The following ICA1 variants were observed in gnomAD, a reference collection of about 807,000 sequenced individuals.
The protein encoded by ICA1 is 69 kDa islet cell autoantigen.
ICA1 carries 40 observed loss-of-function variants against 71.0 expected under a neutral mutation model. The ratio of observed to expected loss-of-function variants is 0.56; its 90% CI spans 0.44 to 0.73. ICA1 has a LOEUF of 0.73. ICA1 is among the 30% of genes least tolerant of loss of function. The pLI is 0.00. For missense variants in ICA1, 578 were observed against 576.5 expected, an observed-to-expected ratio of 1.00 and a Z score of -0.03; for synonymous variants, 207 against 209.5, an observed-to-expected ratio of 0.99 and a Z score of 0.10.
At chr7:8,233,188 A>G (rs114973717) in intron 2 of ICA1, among the ~76,000 whole-genome samples, 5,015 of 152,280 alleles carry the variant, frequency 0.033, 285 homozygotes, top group African/African-American at 0.12. Flanking sequence ...AGCAGAGATA[A>G]GAGGCTGAAG....
rs1289335100 is a variant in ICA1 at position 8,226,142 on chromosome 7, T to C, written c.256+2459A>G. 6.6e-6 allele frequency among the ~76,000 whole-genome samples: 1 copy of C among 152,134 alleles called. No homozygotes were observed. Among genetic ancestry groups the C allele is most frequent in the African/African-American group, 2.4e-5 (1 of 41,436 alleles). On this transcript the variant is annotated intron_variant, in intron 4 of 13. Coordinates refer to ENST00000402384, the MANE Select transcript of ICA1 (RefSeq NM_001136020.3). This position sits in a 1 kb window ranked among gnomAD's most constrained non-coding sequence, Gnocchi z 4.4. ...TGGCTGGGTTTAAGTATTTTTTGAG[T>C]CTATGAAATGTTACTATGGTTTTAT...
At position 8,221,917 on chromosome 7, in the gene ICA1, G is replaced by C. The variant is rs1374340353; in HGVS notation, c.257-519C>G. Among the ~76,000 whole-genome samples the C allele has an allele frequency of 5.3e-5, 8 of 152,100 alleles. No individual in the cohort carries two copies. The East Asian group carries it at 1.3e-3, about 26-fold the overall frequency. The stretch of plus-strand genomic sequence containing the variant: ...GGGGGTAGGGACGGAGGGTGGGGAG[G>C]TCATCAGGTTGATGACAGTGGGTTT... On this transcript the variant is annotated intron_variant, in intron 4 of 13. Coordinates refer to ENST00000402384, the MANE Select transcript of ICA1 (RefSeq NM_001136020.3).
chr7:8,236,146 T>G, intron 1 of ICA1, 141 bp from the exon 2 acceptor site: 1 of 478,262 alleles, frequency 2.1e-6, no homozygotes. Context: ...TGCTGCACAC[T>G]GGTGATGACA....
Position 8,228,629 on chromosome 7 carries a change from T to A in ICA1, c.228A>T (p.Ala76=), listed in dbSNP as rs372572894. 5 of 1,601,078 alleles carry A rather than the reference T, an allele frequency of 3.1e-6. No homozygotes were observed. The African/African-American group carries it at 6.7e-5, about 21-fold the overall frequency. ...IQRTCLDLSK[A]IVLYQKRICF... is the part of the protein sequence containing the mutation. ...ATATCCTCTTTTGATAGAGTACAAT[T>A]GCTTTCGATAAGTCCAGACAGGTTC... Residue 76 remains alanine (A), a synonymous_variant, in exon 4 of 14, where the codon GCA becomes GCT. Transcript: ENST00000402384.
At chr7:8,137,683 T>C (rs1183473713) in intron 12 of ICA1, among the ~76,000 whole-genome samples, 1 of 152,214 alleles carries the variant, frequency 6.6e-6, no homozygotes, top group Non-Finnish European at 1.5e-5. Flanking sequence ...AAAATATTCA[T>C]GGGCATTCAC....
In ICA1 at chr7:8,143,979, C is replaced by T. The variant is rs761128409; in HGVS notation, c.805-7G>A. 4.2e-6 allele frequency: 6 copies of T among 1,416,848 alleles called. No homozygotes were observed. In the Admixed American group the frequency reaches 9.2e-5, roughly 22 times the overall value. 87.8% of individuals were successfully genotyped at this position (1,416,848 alleles called of 1,614,324 possible). A position where few individuals can be genotyped will look rare whatever the true frequency, so the allele number is the denominator to read the frequency against. The stretch of plus-strand genomic sequence containing the variant: ...TCATAGGGTCTTGTAAGCTCTTGAT[C>T]ACGAGCCATAGAAAAATGAAAAAGA... On this transcript the variant is annotated splice_polypyrimidine_tract_variant and splice_region_variant and intron_variant, in intron 8 of 13. Coordinates refer to ENST00000402384, the MANE Select transcript of ICA1 (RefSeq NM_001136020.3).
chr7:8,154,151 C>T (rs1800667181), intron 8 of ICA1, among the ~76,000 whole-genome samples: 1 of 151,988 alleles, frequency 6.6e-6, no homozygotes, highest in African/African-American at 2.4e-5. Context: ...TATTTGTTGT[C>T]ACATAAAACA....
At chr7:8,147,037 C>A (rs1797253170) in intron 8 of ICA1, among the ~76,000 whole-genome samples, 2 of 151,848 alleles carry the variant, frequency 1.3e-5, no homozygotes. Flanking sequence ...CTGGTCCAGG[C>A]CTCCTGGTTT....
intron 6 of ICA1, among the ~76,000 whole-genome samples, chr7:8,178,379 T>G (rs763574623): frequency 2.6e-5 from 4 of 152,212 alleles, no homozygotes; most frequent in Non-Finnish European, 5.9e-5. Flanking sequence ...TAATTGACTG[T>G]TTTCTACATT....
intron 6 of ICA1, among the ~76,000 whole-genome samples, chr7:8,190,271 C>T (rs747806792): frequency 4.0e-5 from 6 of 151,810 alleles, no homozygotes; most frequent in Non-Finnish European, 7.4e-5. Flanking sequence ...CCTTACTCTC[C>T]GAGTGGGCTG....
chr7:8,165,444 T>C (rs1215412899), intron 6 of ICA1, among the ~76,000 whole-genome samples: 2 of 152,334 alleles, frequency 1.3e-5, no homozygotes, highest in African/African-American at 2.4e-5. Context: ...CTTCTCAGCA[T>C]TCCCCTTGAA....
intron 12 of ICA1, 142 bp from the exon 13 acceptor site, chr7:8,128,284 AT>A: frequency 1.2e-6 from 1 of 827,252 alleles, no homozygotes; most frequent in Non-Finnish European, 1.9e-6. Flanking sequence ...TCATCCTATT[AT>A]TATAGCCTCT....
intron 1 of ICA1, among the ~76,000 whole-genome samples, chr7:8,255,808 T>G (rs1809946426): frequency 7.3e-6 from 1 of 136,988 alleles, no homozygotes; most frequent in African/African-American, 3.1e-5. Context: ...AGGGTCTTGC[T>G]CTGTTGCCCA....
chr7:8,189,651 C>T (rs922521207), intron 6 of ICA1, among the ~76,000 whole-genome samples: 3 of 152,120 alleles, frequency 2.0e-5, no homozygotes, highest in Non-Finnish European at 4.4e-5. Context: ...ATAAAACCAG[C>T]GGTAGCTCTG....
intron 6 of ICA1, among the ~76,000 whole-genome samples, chr7:8,183,810 G>C (rs905730051): frequency 1.3e-5 from 2 of 152,178 alleles, no homozygotes; most frequent in Non-Finnish European, 2.9e-5. Context: ...GGGCAGTTGA[G>C]AGGGTAAATG....
intron 6 of ICA1, among the ~76,000 whole-genome samples, chr7:8,207,894 G>T (rs1404695552): frequency 6.6e-6 from 1 of 152,150 alleles, no homozygotes; most frequent in African/African-American, 2.4e-5. Context: ...GATAGACTTA[G>T]GACCTGGGAC....
intron 8 of ICA1, among the ~76,000 whole-genome samples, chr7:8,152,777 T>TACC (rs1562703085): frequency 1.3e-5 from 1 of 75,916 alleles, no homozygotes; most frequent in Admixed American, 1.5e-4. Flanking sequence ...CCCCCACCAC[T>TACC]ATCACCATCA....
intron 6 of ICA1, among the ~76,000 whole-genome samples, chr7:8,211,899 C>T (rs1375175314): frequency 6.6e-6 from 1 of 152,094 alleles, no homozygotes; most frequent in African/African-American, 2.4e-5. Flanking sequence ...ACTTATAGTC[C>T]TAAGTGAATG....
In ICA1 at chr7:8,226,065, C is replaced by T. The variant is rs998230033; in HGVS notation, c.256+2536G>A. 1.3e-5 allele frequency among the ~76,000 whole-genome samples: 2 copies of T among 152,014 alleles called. No homozygotes were observed. The highest frequency in any genetic ancestry group is 4.8e-5 in the African/African-American group (2 of 41,380). ...GTGACAATGTTATTCATTTATAATGCAATCAGGTTCATTTGCTACTGTTTG... is the reference window on the plus strand; with the variant it reads ...GTGACAATGTTATTCATTTATAATGTAATCAGGTTCATTTGCTACTGTTTG... On this transcript the variant is annotated intron_variant, in intron 4 of 13. Coordinates refer to ENST00000402384, the MANE Select transcript of ICA1 (RefSeq NM_001136020.3). This position sits in a 1 kb window ranked among gnomAD's most constrained non-coding sequence, Gnocchi z 4.4.
Sources: gnomAD v4.1 joint callset for allele counts (sites outside exome capture counted in the v4.1 genomes callset) on GRCh38, gnomAD v4.1.1 for gene constraint, Gnocchi (gnomAD v3.1) non-coding constraint, MANE v1.5 for transcripts, NCBI Gene and HGNC (gene_info 2026-07-23, HGNC 2026-07-21) for gene names.